The following CEP112 variants were observed in gnomAD, a reference collection of about 807,000 sequenced individuals.
CEP112 encodes the protein centrosomal protein 112, also known as centrosomal protein of 112 kDa.
Under a neutral mutation model 153.0 loss-of-function variants are expected in CEP112, and 127 were observed. The ratio of observed to expected loss-of-function variants is 0.83; its 90% confidence interval spans 0.72 to 0.96. The LOEUF is 0.96. Ranked by LOEUF, CEP112 falls within the 40% of genes least tolerant of loss-of-function variation. CEP112 has a pLI of 0.00. For missense variants in CEP112, 1,089 were observed against 1,101.2 expected (o/e 0.99, Z 0.16); for synonymous variants, 358 against 374.4 (o/e 0.96, Z 0.51).
chr17:65,816,519 G>A (rs1046286840), intron 21 of CEP112, among the ~76,000 whole-genome samples: 1 of 151,796 alleles, frequency 6.6e-6, no homozygotes, highest in South Asian at 2.1e-4. Context: ...CTTTGAATAG[G>A]TGTTAAACTT....
At chr17:65,935,660 C>A (rs569805706) in intron 18 of CEP112, among the ~76,000 whole-genome samples, 3 of 151,572 alleles carry the variant, frequency 2.0e-5, no homozygotes, top group Non-Finnish European at 2.9e-5. Flanking sequence ...TAATCCTGAA[C>A]AACCAGTAAG....
chr17:65,938,819 T>TC (rs2061428460), intron 18 of CEP112, among the ~76,000 whole-genome samples: 2 of 113,166 alleles, frequency 1.8e-5, no homozygotes, highest in Admixed American at 1.6e-4. Flanking sequence ...TCAAAAAAGA[T>TC]TTTTTTTTTT....
intron 21 of CEP112, among the ~76,000 whole-genome samples, chr17:65,817,858 G>A (rs1015371559): frequency 1.1e-4 from 16 of 151,936 alleles, no homozygotes; most frequent in African/African-American, 3.6e-4. Context: ...CCTGACAAAC[G>A]TAATTTGCTT....
intron 16 of CEP112, among the ~76,000 whole-genome samples, chr17:66,024,166 C>T (rs1296977056): frequency 2.6e-5 from 4 of 152,072 alleles, no homozygotes; most frequent in African/African-American, 4.8e-5. Flanking sequence ...AAGGAATACA[C>T]TTCAAAATAT....
intron 19 of CEP112, 94 bp from the exon 20 acceptor site, chr17:65,902,428 G>A: frequency 1.9e-6 from 2 of 1,059,724 alleles, no homozygotes; most frequent in South Asian, 2.2e-5. Flanking sequence ...ATTTGTCCAA[G>A]TTGAAAATTT....
intron 17 of CEP112, among the ~76,000 whole-genome samples, chr17:65,966,208 A>G (rs2062409180): frequency 6.6e-6 from 1 of 152,210 alleles, no homozygotes; most frequent in East Asian, 1.9e-4. Flanking sequence ...TAAAGGATAA[A>G]GAAAAAAGAA....
chr17:66,051,369 AAT>A (rs1765433235), intron 12 of CEP112, among the ~76,000 whole-genome samples: 1 of 148,890 alleles, frequency 6.7e-6, no homozygotes, highest in Admixed American at 6.7e-5. Context: ...TGTGTATATT[AAT>A]ATAATATTTT....
intron 24 of CEP112, among the ~76,000 whole-genome samples, chr17:65,657,412 G>GA (rs2046115780): frequency 6.6e-6 from 1 of 152,212 alleles, no homozygotes; most frequent in African/African-American, 2.4e-5. Context: ...ACAGGCATGG[G>GA]ATGAGAAAGG....
chr17:65,701,802 T>A (rs1300389533), intron 23 of CEP112, among the ~76,000 whole-genome samples: 2 of 152,088 alleles, frequency 1.3e-5, no homozygotes, highest in Admixed American at 6.6e-5. Context: ...ATTACCAAGT[T>A]CCTGGTTTTA....
At chr17:65,903,827 G>A (rs1053393528) in intron 19 of CEP112, among the ~76,000 whole-genome samples, 4 of 151,696 alleles carry the variant, frequency 2.6e-5, no homozygotes, top group East Asian at 3.8e-4. Context: ...ATCAATAAAC[G>A]TAATACATCA....
intron 23 of CEP112, among the ~76,000 whole-genome samples, chr17:65,699,360 T>C (rs1056682356): frequency 1.3e-5 from 2 of 152,210 alleles, no homozygotes; most frequent in Non-Finnish European, 2.9e-5. Flanking sequence ...CAGATTTTTT[T>C]TTCCCCCTTA....
chr17:66,171,457 A>C (rs1165268899), intron 4 of CEP112, among the ~76,000 whole-genome samples: 1 of 152,232 alleles, frequency 6.6e-6, no homozygotes, highest in Non-Finnish European at 1.5e-5. Flanking sequence ...TAAGCCTCTT[A>C]AACTTTTTAA....
chr17:66,046,517 T>C (rs1217228831), intron 12 of CEP112, among the ~76,000 whole-genome samples: 1 of 152,122 alleles, frequency 6.6e-6, no homozygotes, highest in Non-Finnish European at 1.5e-5. Context: ...AATCCAATGG[T>C]TTAATTTTTA....
chr17:65,788,580 C>T (rs1008180922), intron 21 of CEP112, among the ~76,000 whole-genome samples: 3 of 152,092 alleles, frequency 2.0e-5, no homozygotes, highest in African/African-American at 7.2e-5. Context: ...TTAATTTCTA[C>T]AGGACTATTA....
At chr17:65,856,658 A>G (rs1598793977) in intron 20 of CEP112, among the ~76,000 whole-genome samples, 1 of 152,204 alleles carries the variant, frequency 6.6e-6, no homozygotes, top group Non-Finnish European at 1.5e-5. Flanking sequence ...GATATATTGC[A>G]TAGTGGTAAA....
rs535548816 is a variant in CEP112, at chr17:65,721,003, C to G, written c.2607+22065G>C. ...ATGCTTTTAAGTTTTATCTCTCTCT[C>G]TCTCTCTTTTTTTTTTTTTTTTTTT... On this transcript the variant is annotated intron_variant, in intron 23 of 26. Coordinates refer to ENST00000535342, the MANE Select transcript of CEP112 (RefSeq NM_001199165.4). Among the ~76,000 whole-genome samples, 521 of 142,468 alleles carry G rather than the reference C, an allele frequency of 3.7e-3. 5 individuals are homozygous for G. Among genetic ancestry groups the G allele is most frequent in the African/African-American group, 0.013 (505 of 38,268 alleles). The allele number at this position is 142,468 out of a possible 152,430, so 93.5% of individuals were successfully genotyped here.
At chr17:66,024,718 T>C (rs2065130888) in intron 16 of CEP112, among the ~76,000 whole-genome samples, 1 of 152,162 alleles carries the variant, frequency 6.6e-6, no homozygotes, top group African/African-American at 2.4e-5. Context: ...ATGACCATAC[T>C]GCACAAAGCA....
At chr17:66,145,323 C>T (rs1207344960) in intron 4 of CEP112, among the ~76,000 whole-genome samples, 1 of 152,050 alleles carries the variant, frequency 6.6e-6, no homozygotes, top group East Asian at 1.9e-4. Flanking sequence ...ATTTTTCTCC[C>T]ATTCTGTACC....
At chr17:65,962,346 C>A (rs1214571439) in intron 17 of CEP112, among the ~76,000 whole-genome samples, 1 of 151,902 alleles carries the variant, frequency 6.6e-6, no homozygotes, top group South Asian at 2.1e-4. Flanking sequence ...GAAGTCAATG[C>A]AACAGAGAAA....
Sources: gnomAD v4.1 joint callset for allele counts (sites outside exome capture counted in the v4.1 genomes callset) on GRCh38, gnomAD v4.1.1 for gene constraint, MANE v1.5 for transcripts, NCBI Gene and HGNC (gene_info 2026-07-23, HGNC 2026-07-21) for gene names.